JAK2: variants seen among roughly 807,000 people sequenced by gnomAD.
JAK2 encodes the protein Janus kinase 2, also known as tyrosine-protein kinase JAK2.
JAK2 carries 86 observed loss-of-function variants against 139.3 expected under a neutral mutation model. That is an observed-to-expected ratio of 0.62 (90% confidence interval 0.52 to 0.74). JAK2 has a LOEUF of 0.74. Among genes scored for constraint, JAK2 ranks in the 30% least tolerant of loss-of-function variants. The pLI is 0.00. For missense variants in JAK2, 1,421 were observed against 1,360.3 expected (o/e 1.04, Z -0.70); for synonymous variants, 490 against 437.7 (o/e 1.12, Z -1.49).
At chr9:5,085,366 A>G in intron 19 of JAK2, 1 of 904,792 alleles carries the variant, frequency 1.1e-6, no homozygotes, top group South Asian at 1.3e-5. Flanking sequence ...CTGATAGGTG[A>G]TCTCATGCAC....
chr9:5,019,554 T>G (rs1017046605), intron 2 of JAK2, among the ~76,000 whole-genome samples: 6 of 152,240 alleles, frequency 3.9e-5, no homozygotes, highest in African/African-American at 1.4e-4. Context: ...CATTGGAATC[T>G]TTTGGTAGAA....
At chr9:5,022,331 CGT>C (rs1211406354) in intron 3 of JAK2, 118 bp downstream of exon 3, 10 of 618,310 alleles carry the variant, frequency 1.6e-5, no homozygotes, top group African/African-American at 5.6e-5. Context: ...GTATGGCTGG[CGT>C]GTGTGTTTTC....
chr9:5,023,904 C>G (rs1191413707), intron 3 of JAK2, among the ~76,000 whole-genome samples: 1 of 150,518 alleles, frequency 6.6e-6, no homozygotes, highest in African/African-American at 2.4e-5. Context: ...ATTTTTTTAG[C>G]TTTTAAGATT....
Position 5,072,481 on chromosome 9 carries a change from T to C in JAK2, c.1642-11T>C. 1 of 1,526,498 alleles carries C rather than the reference T, an allele frequency of 6.6e-7. No individual in the cohort carries two copies. The highest frequency in any genetic ancestry group is 8.8e-7 in the Non-Finnish European group (1 of 1,133,262). The allele number at this position is 1,526,498 out of a possible 1,614,324, so 94.6% of individuals were successfully genotyped here. ...TTACTCATTCTTTTCTTTTACCTTT[T>C]TCTCTTGAAGAATGAAAGCCTTGGC... On this transcript the variant is annotated splice_polypyrimidine_tract_variant and intron_variant, in intron 12 of 24. Transcript: ENST00000381652.
chr9:5,064,899 C>G lies in JAK2; in HGVS notation c.1073C>G (p.Ser358Ter), dbSNP rs999268376. The G allele has an allele frequency of 6.3e-7, 1 of 1,583,382 alleles. No homozygotes were observed. Among genetic ancestry groups the G allele is most frequent in the East Asian group, 2.3e-5 (1 of 43,394 alleles). Residue 358 changes from serine to a stop codon, truncating the protein, a stop_gained, in exon 9 of 25, where the codon TCA becomes TGA. Coordinates refer to ENST00000381652, the MANE Select transcript of JAK2 (RefSeq NM_004972.4). LOFTEE classifies it high-confidence loss of function. ...DGKNLEIELSSLREALSFVSL... is the reference protein window; with the variant it reads ...DGKNLEIELS Reference sequence around the variant, plus strand: ...TCTGCTTAGGAAATTGAACTTAGCTCATTAAGGGAAGCTTTGTCTTTCGTG... The same window carrying G: ...TCTGCTTAGGAAATTGAACTTAGCTGATTAAGGGAAGCTTTGTCTTTCGTG...
At chr9:5,113,817 G>C (rs1586824263) in intron 22 of JAK2, 1 of 174,266 alleles carries the variant, frequency 5.7e-6, no homozygotes. Flanking sequence ...CACACACTCT[G>C]TGGTCCGCAG....
At chr9:5,036,598 A>AC (rs1439343476) in intron 4 of JAK2, among the ~76,000 whole-genome samples, 1 of 152,170 alleles carries the variant, frequency 6.6e-6, no homozygotes, top group African/African-American at 2.4e-5. Flanking sequence ...CCTGACAAAA[A>AC]CAAGAAATGG....
At chr9:5,040,206 A>G (rs146791633) in intron 4 of JAK2, among the ~76,000 whole-genome samples, 1 of 152,310 alleles carries the variant, frequency 6.6e-6, no homozygotes, top group African/African-American at 2.4e-5. Flanking sequence ...ATGGGCATAG[A>G]ATAGTCTTTT....
intron 2 of JAK2, among the ~76,000 whole-genome samples, chr9:5,021,550 C>T (rs1822430697): frequency 6.6e-6 from 1 of 152,204 alleles, no homozygotes; most frequent in African/African-American, 2.4e-5. Flanking sequence ...ATTTGACAGC[C>T]ATTGCTGTCA....
At chr9:5,032,221 A>G (rs1290529897) in intron 4 of JAK2, among the ~76,000 whole-genome samples, 1 of 152,164 alleles carries the variant, frequency 6.6e-6, no homozygotes, top group Non-Finnish European at 1.5e-5. Flanking sequence ...GCCATTGCCG[A>G]GGGTTGAGTA....
At position 5,123,023 on chromosome 9, in the gene JAK2, A is replaced by T; in HGVS notation, c.3079A>T (p.Thr1027Ser). The change falls in exon 23 of 25, where the codon ACA becomes TCA. Residue 1027 changes from threonine (T) to serine (S), a missense_variant. Transcript: ENST00000381652. ...PIFWYAPESLTESKFSVASDV... is the reference protein window; with the variant it reads ...PIFWYAPESLSESKFSVASDV... ...TTACAGGTATGCTCCAGAATCACTG[A>T]CAGAGAGCAAGTTTTCTGTGGCCTC... 6.2e-7 allele frequency: 1 copy of T among 1,610,910 alleles called. No individual in the cohort carries two copies. The highest frequency in any genetic ancestry group is 8.5e-7 in the Non-Finnish European group (1 of 1,177,946).
chr9:5,055,450 T>C (rs975916639), intron 7 of JAK2, among the ~76,000 whole-genome samples: 3 of 152,024 alleles, frequency 2.0e-5, no homozygotes, highest in Admixed American at 6.6e-5. Context: ...ACATTTTAGA[T>C]TCCTGGCATC....
chr9:5,112,078 AG>A (rs1296956653), intron 22 of JAK2: 2 of 387,320 alleles, frequency 5.2e-6, no homozygotes, highest in Admixed American at 2.9e-5. Flanking sequence ...CTGGAGAGTA[AG>A]ATAGAAGACC....
chr9:5,110,632 C>CT, intron 22 of JAK2: 1 of 216,134 alleles, frequency 4.6e-6, no homozygotes, highest in Non-Finnish European at 9.3e-6. Context: ...GGCTTTTACT[C>CT]TAAAGACCTT....
Position 5,077,563 on chromosome 9 carries a change from T to C in JAK2, c.1975T>C (p.Trp659Arg), listed in dbSNP as rs532307142. The change falls in exon 15 of 25, where the codon TGG becomes CGG. Residue 659 changes from tryptophan to arginine, a missense_variant. By Grantham distance (101) the Trp-to-Arg change is moderately radical (BLOSUM62 -3). Transcript: ENST00000381652. ...ACTTGAAGTTGCTAAACAGTTGGCATGGGCCATGCATTTTCTAGTAAGTAG... is the reference window on the plus strand; with the variant it reads ...ACTTGAAGTTGCTAAACAGTTGGCACGGGCCATGCATTTTCTAGTAAGTAG... ...WKLEVAKQLAWAMHFLEENTL... is the reference protein window; with the variant it reads ...WKLEVAKQLARAMHFLEENTL... 11 of 1,491,116 alleles carry C rather than the reference T, an allele frequency of 7.4e-6. No individual in the cohort carries two copies. The East Asian group carries it at 1.8e-4, about 25-fold the overall frequency. The allele number at this position is 1,491,116 out of a possible 1,614,324, so 92.4% of individuals were successfully genotyped here. A position where few individuals can be genotyped will look rare whatever the true frequency, so the allele number is the denominator to read the frequency against.
chr9:5,041,230 G>A, intron 4 of JAK2: 1 of 1,471,078 alleles, frequency 6.8e-7, no homozygotes, highest in Non-Finnish European at 9.4e-7. Context: ...GGCGCCCGGG[G>A]ACCAAGCGGC....
chr9:5,015,090 C>T (rs1220339503), intron 2 of JAK2, among the ~76,000 whole-genome samples: 1 of 152,094 alleles, frequency 6.6e-6, no homozygotes, highest in East Asian at 1.9e-4. Context: ...AAGATTTATC[C>T]ATGTTGCATA....
intron 6 of JAK2, among the ~76,000 whole-genome samples, chr9:5,052,601 G>C (rs1414512572): frequency 6.6e-6 from 1 of 151,972 alleles, no homozygotes; most frequent in Non-Finnish European, 1.5e-5. Context: ...TAGAACATTT[G>C]CATCCTTTCT....
intron 6 of JAK2, among the ~76,000 whole-genome samples, chr9:5,051,798 C>G (rs1420291369): frequency 6.6e-6 from 1 of 152,074 alleles, no homozygotes; most frequent in Non-Finnish European, 1.5e-5. Flanking sequence ...GCCATGTCAT[C>G]AAAACAGTTA....
Sources: allele counts gnomAD v4.1 joint callset (sites outside exome capture counted in the v4.1 genomes callset), GRCh38; gene constraint gnomAD v4.1.1; transcripts MANE v1.5; gene names NCBI Gene and HGNC (gene_info 2026-07-23, HGNC 2026-07-21).